FREM1: variants seen among roughly 807,000 people sequenced by gnomAD.
The protein encoded by FREM1 is FRAS1-related extracellular matrix protein 1.
FREM1 carries 220 observed loss-of-function variants against 210.1 expected under a neutral mutation model. The observed-to-expected ratio is 1.05, with a 90% CI of 0.94 to 1.17. The LOEUF is 1.17. Ranked by LOEUF, FREM1 falls within the 50% of genes most tolerant of loss-of-function variation. FREM1 has a pLI of 0.00. For synonymous variants in FREM1, 1,189 were observed against 980.2 expected (o/e 1.21, Z -3.98); for missense variants, 3,454 against 2,675.5 (o/e 1.29, Z -6.42).
At position 14,889,788 on chromosome 9, in the gene FREM1, C is replaced by T. The variant is rs915889662; in HGVS notation, c.-268+20126G>A. Among the ~76,000 whole-genome samples, 4 of 151,954 alleles carry T rather than the reference C, an allele frequency of 2.6e-5. No homozygotes were observed. In the South Asian group the frequency reaches 8.3e-4, roughly 32 times the overall value. On this transcript the variant is annotated intron_variant, in intron 1 of 36. Transcript: ENST00000380880. ...CCTTGTAAATTAGACTGAAAAGAGACAAATTAACAAAGGGAAAACATAAAA... is the reference window on the plus strand; with the variant it reads ...CCTTGTAAATTAGACTGAAAAGAGATAAATTAACAAAGGGAAAACATAAAA...
At chr9:14,854,769 A>C (rs1408637825) in intron 5 of FREM1, among the ~76,000 whole-genome samples, 5 of 152,074 alleles carry the variant, frequency 3.3e-5, no homozygotes, top group African/African-American at 1.2e-4. Context: ...TTTATCATCA[A>C]TAACCATTGA....
At chr9:14,772,415 T>C (rs1030269954) in intron 25 of FREM1, among the ~76,000 whole-genome samples, 20 of 152,246 alleles carry the variant, frequency 1.3e-4, no homozygotes, top group Admixed American at 1.2e-3. Context: ...GAATAGTTAA[T>C]GACATAAGGA....
chr9:14,806,445 G>A (rs1159798562), intron 18 of FREM1, among the ~76,000 whole-genome samples: 1 of 151,814 alleles, frequency 6.6e-6, no homozygotes, highest in Non-Finnish European at 1.5e-5. Flanking sequence ...AGTAGAGAGG[G>A]GTTTCACCAC....
At chr9:14,822,360 T>C (rs532100475) in intron 13 of FREM1, among the ~76,000 whole-genome samples, 2 of 152,112 alleles carry the variant, frequency 1.3e-5, no homozygotes, top group African/African-American at 2.4e-5. Flanking sequence ...ATAGAGATGA[T>C]GAGGAGTCAG....
rs771028644 is a variant in FREM1, at chr9:14,759,771, C to T, written c.5334+1G>A. ...GATAATTTACATTTCAGAGTCATTA[C>T]CTTTATACCCACAAAGGCCGAGTCC... is the stretch of plus-strand genomic sequence containing the variant. On this transcript the variant is annotated splice_donor_variant, in intron 28 of 36. Coordinates refer to ENST00000380880, the MANE Select transcript of FREM1 (RefSeq NM_001379081.2). LOFTEE classifies it high-confidence loss of function. The T allele has an allele frequency of 3.1e-6, 5 of 1,604,754 alleles. No individual in the cohort carries two copies. The highest frequency in any genetic ancestry group is 1.1e-5 in the South Asian group (1 of 88,782).
At chr9:14,811,467 T>G (rs1188878868) in intron 16 of FREM1, among the ~76,000 whole-genome samples, 1 of 152,196 alleles carries the variant, frequency 6.6e-6, no homozygotes, top group Non-Finnish European at 1.5e-5. Flanking sequence ...CCAGTCTATT[T>G]CAGATCCACT....
chr9:14,766,775 G>T (rs1349388540), intron 27 of FREM1, among the ~76,000 whole-genome samples: 1 of 152,130 alleles, frequency 6.6e-6, no homozygotes, highest in Admixed American at 6.6e-5. Flanking sequence ...TGGGGAATAT[G>T]AATCTATTAA....
At chr9:14,762,768 TTTTGC>T (rs1162925373) in intron 27 of FREM1, among the ~76,000 whole-genome samples, 2 of 151,412 alleles carry the variant, frequency 1.3e-5, no homozygotes, top group East Asian at 1.9e-4. Flanking sequence ...TTTTTTTTTT[TTTTGC>T]TTTTTGCAGT....
intron 1 of FREM1, among the ~76,000 whole-genome samples, chr9:14,878,036 A>G (rs759607327): frequency 1.3e-5 from 2 of 152,186 alleles, no homozygotes; most frequent in South Asian, 2.1e-4. Context: ...ATAGCATCCT[A>G]TTTGATCTCC....
chr9:14,886,096 G>T (rs1835755089), intron 1 of FREM1, among the ~76,000 whole-genome samples: 1 of 152,066 alleles, frequency 6.6e-6, no homozygotes, highest in South Asian at 2.1e-4. Flanking sequence ...AGTCATTTAA[G>T]AAATAAACTG....
chr9:14,778,638 G>A (rs1274166992), intron 24 of FREM1, among the ~76,000 whole-genome samples: 4 of 98,024 alleles, frequency 4.1e-5, no homozygotes, highest in Non-Finnish European at 6.1e-5. Context: ...AAAGAGGAAA[G>A]GAAAGGGAGG....
chr9:14,795,389 C>A (rs1263334368), intron 21 of FREM1, among the ~76,000 whole-genome samples: 1 of 152,120 alleles, frequency 6.6e-6, no homozygotes, highest in East Asian at 1.9e-4. Flanking sequence ...GCTCTCTTAA[C>A]CACAATCCAT....
At chr9:14,857,793 C>T (rs1238485521) in intron 4 of FREM1, 44 bp from the exon 5 acceptor site, 1 of 1,443,330 alleles carries the variant, frequency 6.9e-7, no homozygotes, top group African/African-American at 1.4e-5. Context: ...TTAAACATAA[C>T]AATTGTAAAA....
chr9:14,808,086 A>T lies in FREM1; in HGVS notation c.2942T>A (p.Val981Asp). The T allele has an allele frequency of 6.2e-7, 1 of 1,613,408 alleles. No individual in the cohort carries two copies. The highest frequency in any genetic ancestry group is 8.5e-7 in the Non-Finnish European group (1 of 1,179,616). Residue 981 changes from valine (V) to aspartate (D), a missense_variant, in exon 17 of 37, where the codon GTT (valine) becomes GAT (aspartate). Transcript: ENST00000380880. ...MPCFDTITLV[V>D]SDGEAGPFVN... ...AAAAGGGCCAGCCTCTCCATCCGAA[A>T]CCACCAATGTAATGGTGTCAAAACA...
chr9:14,841,424 A>G, intron 10 of FREM1, 23 bp downstream of exon 10: 4 of 1,555,720 alleles, frequency 2.6e-6, no homozygotes, highest in Non-Finnish European at 3.5e-6. Flanking sequence ...ACTTTGGGAA[A>G]GTGTTCAGAA....
chr9:14,758,211 G>A (rs1012014388), intron 28 of FREM1, among the ~76,000 whole-genome samples: 10 of 152,104 alleles, frequency 6.6e-5, no homozygotes, highest in African/African-American at 2.2e-4. Flanking sequence ...AAAGACTCTG[G>A]GACTGTGCTT....
chr9:14,807,612 G>T (rs1386549891), intron 17 of FREM1, among the ~76,000 whole-genome samples: 2 of 151,976 alleles, frequency 1.3e-5, no homozygotes, highest in East Asian at 3.9e-4. Context: ...ATTTTCCCAT[G>T]TGAAATAAAA....
intron 27 of FREM1, among the ~76,000 whole-genome samples, chr9:14,768,835 A>G (rs1846971525): frequency 6.6e-6 from 1 of 152,174 alleles, no homozygotes; most frequent in South Asian, 2.1e-4. Flanking sequence ...AGTATAACAG[A>G]GCACAGAGCT....
chr9:14,891,283 TCATTGTA>T (rs1836778184), intron 1 of FREM1, among the ~76,000 whole-genome samples: 1 of 152,224 alleles, frequency 6.6e-6, no homozygotes, highest in African/African-American at 2.4e-5. Context: ...ATCTGTTCAT[TCATTGTA>T]CAAACAATTG....
Sources: gnomAD v4.1 joint callset for allele counts (sites outside exome capture counted in the v4.1 genomes callset) on GRCh38, gnomAD v4.1.1 for gene constraint, MANE v1.5 for transcripts, NCBI Gene and HGNC (gene_info 2026-07-23, HGNC 2026-07-21) for gene names.